PAM: variants seen among roughly 807,000 people sequenced by gnomAD.
PAM encodes peptidylglycine alpha-amidating monooxygenase, also known as peptidyl-glycine alpha-amidating monooxygenase.
Under a neutral mutation model 122.1 loss-of-function variants are expected in PAM, and 72 were observed. The observed-to-expected ratio is 0.59, with a 90% CI of 0.49 to 0.72. The LOEUF (loss-of-function observed/expected upper bound fraction) is 0.72. Among genes scored for constraint, PAM ranks in the 30% least tolerant of loss-of-function variants. PAM has a pLI of 0.00. For missense variants in PAM, 1,106 were observed against 1,183.7 expected, an observed-to-expected ratio of 0.93 and a Z score of 0.96; for synonymous variants, 389 against 404.4, an observed-to-expected ratio of 0.96 and a Z score of 0.46.
intron 3 of PAM, among the ~76,000 whole-genome samples, chr5:102,887,483 T>C (rs914725638): frequency 3.3e-5 from 5 of 151,976 alleles, no homozygotes; most frequent in Non-Finnish European, 5.9e-5. Flanking sequence ...TATTCTGTTA[T>C]AGGAACACAA....
intron 1 of PAM, among the ~76,000 whole-genome samples, chr5:102,821,248 G>A (rs1771798346): frequency 6.6e-6 from 1 of 152,078 alleles, no homozygotes; most frequent in Admixed American, 6.5e-5. Flanking sequence ...TTATCCTGAG[G>A]AGCTTACATG....
At chr5:102,834,103 T>C (rs1776230436) in intron 1 of PAM, among the ~76,000 whole-genome samples, 1 of 152,224 alleles carries the variant, frequency 6.6e-6, no homozygotes, top group African/African-American at 2.4e-5. Context: ...TTTATGAATA[T>C]GTTGGAACTT....
At chr5:102,782,750 T>TGTG (rs1247672648) in intron 1 of PAM, among the ~76,000 whole-genome samples, 1 of 151,796 alleles carries the variant, frequency 6.6e-6, no homozygotes, top group Non-Finnish European at 1.5e-5. Context: ...TGTGTGTGTG[T>TGTG]GTGTGTGTGT....
intron 1 of PAM, among the ~76,000 whole-genome samples, chr5:102,859,614 A>G (rs2150851899): frequency 6.6e-6 from 1 of 152,320 alleles, no homozygotes; most frequent in Admixed American, 6.5e-5. Context: ...TAAATTTAGT[A>G]TAGCTTACAG....
intron 7 of PAM, among the ~76,000 whole-genome samples, chr5:102,927,294 G>A (rs1749902489): frequency 6.6e-6 from 1 of 152,158 alleles, no homozygotes; most frequent in Non-Finnish European, 1.5e-5. Context: ...AAGGGGCCCT[G>A]TTCCCAAGGC....
chr5:102,988,469 C>A (rs1226629220), intron 15 of PAM, among the ~76,000 whole-genome samples: 1 of 152,068 alleles, frequency 6.6e-6, no homozygotes, highest in African/African-American at 2.4e-5. Context: ...CTATTATATC[C>A]TTTTATTTAC....
At chr5:102,891,282 A>G (rs1190470642) in intron 3 of PAM, among the ~76,000 whole-genome samples, 1 of 151,890 alleles carries the variant, frequency 6.6e-6, no homozygotes, top group Admixed American at 6.6e-5. Context: ...GCAAAAAAGG[A>G]GTTTTGTTGT....
intron 1 of PAM, among the ~76,000 whole-genome samples, chr5:102,856,155 T>G (rs2150797637): frequency 6.6e-6 from 1 of 152,258 alleles, no homozygotes; most frequent in Non-Finnish European, 1.5e-5. Context: ...CTGACTGACT[T>G]GCTTCATGAG....
intron 16 of PAM, among the ~76,000 whole-genome samples, chr5:102,999,746 A>G (rs536721090): frequency 1.3e-5 from 2 of 152,344 alleles, no homozygotes; most frequent in Non-Finnish European, 2.9e-5. Flanking sequence ...CTCTGAAGCC[A>G]AGGCCCAAGC....
In PAM at chr5:103,019,554, A is replaced by G. The variant is rs138942001; in HGVS notation, c.2432-236A>G. ...TACAATATTATGAACTCTACAAGAA[A>G]TAACTCATTGTAAATATGAAGTCCT... is the stretch of plus-strand genomic sequence containing the variant. On this transcript the variant is annotated intron_variant, in intron 22 of 25. Transcript: ENST00000438793. 9.4e-4 allele frequency among the ~76,000 whole-genome samples: 143 copies of G among 152,288 alleles called. 1 individual carries two copies. Among genetic ancestry groups the G allele is most frequent in the African/African-American group, 3.3e-3 (138 of 41,568 alleles).
chr5:102,808,711 T>C (rs1254140122), intron 1 of PAM, among the ~76,000 whole-genome samples: 1 of 152,176 alleles, frequency 6.6e-6, no homozygotes, highest in East Asian at 1.9e-4. Context: ...AATTTGCATG[T>C]TATAGAAATT....
intron 14 of PAM, among the ~76,000 whole-genome samples, chr5:102,970,299 C>T (rs898425599): frequency 6.6e-6 from 1 of 152,150 alleles, no homozygotes; most frequent in Non-Finnish European, 1.5e-5. Context: ...TTAAGTTTCT[C>T]AGGTGCACTA....
intron 3 of PAM, among the ~76,000 whole-genome samples, chr5:102,895,275 A>G (rs1049860952): frequency 2.0e-5 from 3 of 151,808 alleles, no homozygotes; most frequent in Admixed American, 6.6e-5. Flanking sequence ...GTAGCAATCT[A>G]TATTTCTTCT....
intron 4 of PAM, among the ~76,000 whole-genome samples, chr5:102,908,743 A>C (rs955684570): frequency 6.6e-6 from 1 of 151,694 alleles, no homozygotes; most frequent in Non-Finnish European, 1.5e-5. Flanking sequence ...AATAATAAAT[A>C]AATAAATAGT....
intron 1 of PAM, among the ~76,000 whole-genome samples, chr5:102,816,304 TG>T (rs1769766520): frequency 6.6e-6 from 1 of 152,164 alleles, no homozygotes; most frequent in Non-Finnish European, 1.5e-5. Context: ...AAAGCAGCAT[TG>T]GGCTCAGAGA....
intron 21 of PAM, among the ~76,000 whole-genome samples, chr5:103,016,014 G>T (rs1781879116): frequency 6.6e-6 from 1 of 152,080 alleles, no homozygotes; most frequent in South Asian, 2.1e-4. Flanking sequence ...GAACAGGAGT[G>T]GCCTATCATT....
chr5:102,815,090 A>C (rs927423714), intron 1 of PAM, among the ~76,000 whole-genome samples: 1 of 151,936 alleles, frequency 6.6e-6, no homozygotes, highest in Non-Finnish European at 1.5e-5. Context: ...TATTTATTGC[A>C]CCCCCACTGA....
chr5:103,025,756 G>C (rs765967812), intron 24 of PAM, among the ~76,000 whole-genome samples: 3 of 152,096 alleles, frequency 2.0e-5, no homozygotes, highest in Non-Finnish European at 4.4e-5. Context: ...TAGGCTCCTA[G>C]CTACATGACC....
rs775276077 is a variant in PAM at position 103,028,979 on chromosome 5, A to G, written c.2836A>G (p.Ser946Gly). ...GTTTGACCGGCTTAGCACTGAGGGC[A>G]GTGACCAAGAGAAAGAGGATGATGG... is the stretch of plus-strand genomic sequence containing the variant. ...KGFDRLSTEGSDQEKEDDGSE... is the reference protein window; with the variant it reads ...KGFDRLSTEGGDQEKEDDGSE... Residue 946 changes from serine to glycine, a missense_variant, in exon 26 of 26, where the codon AGT becomes GGT. Transcript: ENST00000438793. The G allele has an allele frequency of 1.9e-6, 3 of 1,613,746 alleles. No individual in the cohort carries two copies. The highest frequency in any genetic ancestry group is 2.5e-6 in the Non-Finnish European group (3 of 1,179,752).
Sources: gnomAD v4.1 joint callset for allele counts (sites outside exome capture counted in the v4.1 genomes callset) on GRCh38, gnomAD v4.1.1 for gene constraint, MANE v1.5 for transcripts, NCBI Gene and HGNC (gene_info 2026-07-23, HGNC 2026-07-21) for gene names.